Variants in NCAM2 observed in about 807,000 individuals in gnomAD.
NCAM2 encodes N-CAM-2.
NCAM2 carries 30 observed loss-of-function variants against 98.1 expected under a neutral mutation model. The ratio of observed to expected loss-of-function variants is 0.31; its 90% CI spans 0.23 to 0.41. NCAM2 has a LOEUF of 0.41. Ranked by LOEUF, NCAM2 falls within the 10% of genes least tolerant of loss-of-function variation. NCAM2 has a pLI of 1.00. For missense variants in NCAM2, 867 were observed against 1,005.8 expected, an observed-to-expected ratio of 0.86 and a Z score of 1.87; for synonymous variants, 368 against 342.4, an observed-to-expected ratio of 1.07 and a Z score of -0.83.
intron 1 of NCAM2, among the ~76,000 whole-genome samples, chr21:21,032,752 T>C (rs1035968308): frequency 6.6e-6 from 1 of 152,138 alleles, no homozygotes; most frequent in Non-Finnish European, 1.5e-5. Flanking sequence ...ACATAATAAT[T>C]ATCTTATTTG....
intron 1 of NCAM2, among the ~76,000 whole-genome samples, chr21:21,217,037 G>A (rs969595179): frequency 3.3e-5 from 5 of 152,120 alleles, no homozygotes; most frequent in Non-Finnish European, 5.9e-5. Context: ...AGAAGGACTA[G>A]CAGTGTAATG....
chr21:21,159,833 G>A (rs1315429535), intron 1 of NCAM2, among the ~76,000 whole-genome samples: 1 of 151,712 alleles, frequency 6.6e-6, no homozygotes, highest in Admixed American at 6.6e-5. Flanking sequence ...GGTATTGTTT[G>A]ATTTTTGTGG....
At chr21:21,330,008 G>A (rs2074628407) in intron 6 of NCAM2, among the ~76,000 whole-genome samples, 1 of 151,846 alleles carries the variant, frequency 6.6e-6, no homozygotes, top group Non-Finnish European at 1.5e-5. Flanking sequence ...CTCTCATCTT[G>A]ATAACCTCAT....
At chr21:21,446,878 A>G (rs186881668) in intron 12 of NCAM2, among the ~76,000 whole-genome samples, 1 of 152,256 alleles carries the variant, frequency 6.6e-6, no homozygotes, top group East Asian at 1.9e-4. Flanking sequence ...GAGAACTACA[A>G]ACCACTCTCA....
rs1243349125 is a variant in NCAM2 at position 21,316,889 on chromosome 21, A to G, written c.620-7494A>G. ...AATAAAACAAATATAGCCCCTGTATATTGGTCCTTGGACCATTAGCACATA... is the reference window on the plus strand; with the variant it reads ...AATAAAACAAATATAGCCCCTGTATGTTGGTCCTTGGACCATTAGCACATA... On this transcript the variant is annotated intron_variant, in intron 5 of 17. Coordinates refer to ENST00000400546, the MANE Select transcript of NCAM2 (RefSeq NM_004540.5). 2.6e-5 allele frequency among the ~76,000 whole-genome samples: 4 copies of G among 152,154 alleles called. No individual in the cohort carries two copies. In the East Asian group the frequency reaches 5.8e-4, roughly 22 times the overall value.
chr21:21,488,834 A>T (rs1986609625), intron 15 of NCAM2, among the ~76,000 whole-genome samples: 1 of 152,004 alleles, frequency 6.6e-6, no homozygotes, highest in Non-Finnish European at 1.5e-5. Flanking sequence ...CACTCACTGA[A>T]TAAAGATAAA....
intron 1 of NCAM2, among the ~76,000 whole-genome samples, chr21:21,175,527 C>T (rs374191048): frequency 2.0e-5 from 3 of 151,046 alleles, no homozygotes; most frequent in South Asian, 4.2e-4. Flanking sequence ...AGCGAGACTC[C>T]GTCTCAAAAA....
chr21:21,487,508 T>A (rs1986490768), intron 15 of NCAM2, among the ~76,000 whole-genome samples: 1 of 152,156 alleles, frequency 6.6e-6, no homozygotes, highest in African/African-American at 2.4e-5. Flanking sequence ...TATATGTCTA[T>A]GTCCAATGGT....
intron 5 of NCAM2, among the ~76,000 whole-genome samples, chr21:21,307,182 T>A (rs1427820446): frequency 6.6e-6 from 1 of 152,158 alleles, no homozygotes; most frequent in Non-Finnish European, 1.5e-5. Context: ...TTGTCTGATA[T>A]CTGTTCATAG....
intron 12 of NCAM2, among the ~76,000 whole-genome samples, chr21:21,464,064 C>T (rs1269890816): frequency 1.3e-5 from 2 of 152,150 alleles, no homozygotes; most frequent in African/African-American, 4.8e-5. Flanking sequence ...ATTGAAAGTG[C>T]ATGTTTAAAT....
At chr21:21,195,110 A>C (rs2068959240) in intron 1 of NCAM2, among the ~76,000 whole-genome samples, 1 of 152,176 alleles carries the variant, frequency 6.6e-6, no homozygotes, top group Admixed American at 6.5e-5. Flanking sequence ...TACAGCAACC[A>C]CTGAGGAAAT....
intron 1 of NCAM2, among the ~76,000 whole-genome samples, chr21:21,223,973 C>G (rs1182295760): frequency 1.3e-5 from 2 of 152,134 alleles, no homozygotes; most frequent in Non-Finnish European, 2.9e-5. Context: ...AAAGCAATCA[C>G]GGAACACAGT....
chr21:21,309,442 A>G (rs1281697688), intron 5 of NCAM2, among the ~76,000 whole-genome samples: 1 of 152,066 alleles, frequency 6.6e-6, no homozygotes, highest in African/African-American at 2.4e-5. Context: ...AATGTTTCTG[A>G]ATTCTTTATC....
chr21:21,142,374 T>A (rs201452248), intron 1 of NCAM2, among the ~76,000 whole-genome samples: 14 of 89,702 alleles, frequency 1.6e-4, no homozygotes, highest in East Asian at 6.7e-4. Flanking sequence ...CGTTTTTTTT[T>A]ATGTTTTTTT....
chr21:21,235,316 A>T (rs897629491), intron 1 of NCAM2, among the ~76,000 whole-genome samples: 1 of 152,040 alleles, frequency 6.6e-6, no homozygotes, highest in African/African-American at 2.4e-5. Flanking sequence ...CTTGAGATTG[A>T]AATGTTACAG....
chr21:21,369,859 C>CT lies in NCAM2; in HGVS notation c.1045-3995dup, dbSNP rs200157076. ...GCCCCTTTAAACTCTTTCAACACAG[C>CT]TTTTTTTTTCCTCAAGTTCAAGCCC... On this transcript the variant is annotated intron_variant, in intron 8 of 17. Transcript: ENST00000400546. Among the ~76,000 whole-genome samples the CT allele has an allele frequency of 6.6e-5, 10 of 150,746 alleles. No homozygotes were observed. The East Asian group carries it at 9.8e-4, about 15-fold the overall frequency.
chr21:21,504,034 G>C (rs754996765), intron 15 of NCAM2, among the ~76,000 whole-genome samples: 13 of 151,574 alleles, frequency 8.6e-5, no homozygotes, highest in Non-Finnish European at 1.5e-4. Flanking sequence ...TAATATTAAA[G>C]GTATATGGAT....
chr21:21,172,474 A>G (rs1483471596), intron 1 of NCAM2, among the ~76,000 whole-genome samples: 2 of 152,114 alleles, frequency 1.3e-5, no homozygotes, highest in Admixed American at 1.3e-4. Context: ...CTGTAAAATG[A>G]CACTTTAAAA....
chr21:21,405,498 A>C (rs541016467), intron 9 of NCAM2, among the ~76,000 whole-genome samples: 1 of 152,292 alleles, frequency 6.6e-6, no homozygotes, highest in African/African-American at 2.4e-5. Flanking sequence ...AATAAAAAGT[A>C]TAATTTAAAA....
Sources: allele counts gnomAD v4.1 joint callset (sites outside exome capture counted in the v4.1 genomes callset), GRCh38; gene constraint gnomAD v4.1.1; transcripts MANE v1.5; gene names NCBI Gene and HGNC (gene_info 2026-07-23, HGNC 2026-07-21).